EDA: variants seen among roughly 807,000 people sequenced by gnomAD.
EDA encodes the protein ectodysplasin-A.
A neutral mutation model predicts 23.6 loss-of-function variants in EDA; 2 were observed. The observed-to-expected ratio is 0.08, with a 90% CI of 0.03 to 0.27. EDA has a LOEUF of 0.27. EDA is among the 10% of genes least tolerant of loss of function. EDA has a pLI of 1.00. For synonymous variants in EDA, 131 were observed against 132.0 expected, an observed-to-expected ratio of 0.99 and a Z score of 0.05; for missense variants, 229 against 324.2, an observed-to-expected ratio of 0.71 and a Z score of 2.26.
intron 1 of EDA, among the ~76,000 whole-genome samples, chrX:69,853,674 A>G (rs919028562): frequency 8.9e-6 from 1 of 112,434 alleles, no homozygotes; most frequent in African/African-American, 3.2e-5. Context: ...AGACAACTAA[A>G]CTCAATAAAA....
At chrX:69,862,976 TCC>T (rs1287524308) in intron 1 of EDA, among the ~76,000 whole-genome samples, 221 of 105,906 alleles carry the variant, frequency 2.1e-3, no homozygotes, top group African/African-American at 7.1e-3. Flanking sequence ...GACTCTCAGA[TCC>T]CCTCACTCTA....
At chrX:69,661,516 T>C (rs1465653807) in intron 1 of EDA, among the ~76,000 whole-genome samples, 1 of 111,305 alleles carries the variant, frequency 9.0e-6, no homozygotes, top group East Asian at 2.8e-4. Flanking sequence ...TTAGAATTAA[T>C]TTTTGTATAT....
chrX:69,871,475 C>T (rs921615702), intron 1 of EDA, among the ~76,000 whole-genome samples: 1 of 111,598 alleles, frequency 9.0e-6, no homozygotes, highest in Admixed American at 9.5e-5. Context: ...TGTTCGAGGG[C>T]AGGAAGCATC....
intron 1 of EDA, among the ~76,000 whole-genome samples, chrX:69,787,642 A>G (rs1465630538): frequency 9.0e-6 from 1 of 110,977 alleles, no homozygotes; most frequent in South Asian, 3.9e-4. Flanking sequence ...TGGCTTGTAG[A>G]GTTTCTGCCG....
At chrX:69,937,469 C>A (rs1336300367) in intron 1 of EDA, 84 of 794,888 alleles carry the variant, frequency 1.1e-4, no homozygotes, top group Non-Finnish European at 1.5e-4. Flanking sequence ...ATCGAAGGAT[C>A]TCAAAGAAGT....
intron 1 of EDA, among the ~76,000 whole-genome samples, chrX:69,833,817 A>G (rs1485139731): frequency 2.7e-5 from 3 of 110,623 alleles, no homozygotes; most frequent in African/African-American, 9.9e-5. Context: ...CTTTATATAT[A>G]TATACTTTAA....
chrX:69,867,518 G>A (rs1388077208), intron 1 of EDA, among the ~76,000 whole-genome samples: 1 of 111,987 alleles, frequency 8.9e-6, no homozygotes, highest in East Asian at 2.8e-4. Flanking sequence ...GTGTATAATC[G>A]CACATCTGGC....
intron 1 of EDA, among the ~76,000 whole-genome samples, chrX:69,834,303 G>A (rs1469420802): frequency 9.0e-6 from 1 of 110,573 alleles, no homozygotes; most frequent in East Asian, 2.9e-4. Flanking sequence ...TGACAGTGGG[G>A]TGTTAAAGTC....
At chrX:69,679,231 T>G (rs1164193911) in intron 1 of EDA, among the ~76,000 whole-genome samples, 1 of 106,471 alleles carries the variant, frequency 9.4e-6, no homozygotes, top group Non-Finnish European at 1.9e-5. Context: ...TGCCAGTATT[T>G]TATTGAGGAT....
intron 1 of EDA, among the ~76,000 whole-genome samples, chrX:69,910,882 C>G (rs1468054741): frequency 8.9e-6 from 1 of 111,963 alleles, no homozygotes; most frequent in Non-Finnish European, 1.9e-5. Context: ...GCCTTAAAAT[C>G]TTGTCTGCTG....
intron 1 of EDA, among the ~76,000 whole-genome samples, chrX:69,630,548 T>C (rs766544570): frequency 1.8e-5 from 2 of 112,197 alleles, no homozygotes; most frequent in East Asian, 5.6e-4. Context: ...ATTTGTAAAA[T>C]GGGAAAGACA....
intron 1 of EDA, among the ~76,000 whole-genome samples, chrX:69,673,011 G>A (rs1204536050): frequency 1.8e-5 from 2 of 111,577 alleles, no homozygotes; most frequent in Admixed American, 1.9e-4. Context: ...TTGTTACTTT[G>A]CCCTATAACT....
intron 1 of EDA, among the ~76,000 whole-genome samples, chrX:69,797,504 C>G (rs900700913): frequency 2.2e-4 from 24 of 111,071 alleles, no homozygotes; most frequent in Non-Finnish European, 3.6e-4. Flanking sequence ...AGCAAAATTG[C>G]TGTTCATAAA....
At chrX:69,860,512 AT>A (rs1309467324) in intron 1 of EDA, among the ~76,000 whole-genome samples, 1 of 111,341 alleles carries the variant, frequency 9.0e-6, no homozygotes, top group Non-Finnish European at 1.9e-5. Context: ...ATATGAAATT[AT>A]GGGTTGGAAT....
chrX:69,914,999 G>C (rs907240999), intron 1 of EDA, among the ~76,000 whole-genome samples: 4 of 111,846 alleles, frequency 3.6e-5, no homozygotes, highest in African/African-American at 6.5e-5. Flanking sequence ...TTATATCCCA[G>C]CAACATCTTC....
chrX:69,918,499 C>G (rs753514419), intron 1 of EDA, among the ~76,000 whole-genome samples: 13 of 112,147 alleles, frequency 1.2e-4, no homozygotes, highest in African/African-American at 4.2e-4. Context: ...AACTTGAACT[C>G]TCTGCAAAGA....
intron 1 of EDA, among the ~76,000 whole-genome samples, chrX:69,875,154 A>G (rs893664443): frequency 2.7e-5 from 3 of 111,861 alleles, no homozygotes; most frequent in Non-Finnish European, 5.6e-5. Context: ...TGGAAGCAAA[A>G]AAGAGCCCAC....
At chrX:69,832,414 G>A (rs2016637040) in intron 1 of EDA, among the ~76,000 whole-genome samples, 1 of 111,963 alleles carries the variant, frequency 8.9e-6, no homozygotes, top group African/African-American at 3.2e-5. Flanking sequence ...CTTGGTACCA[G>A]TACCATGCTG....
At chrX:69,762,181 A>G (rs913082139) in intron 1 of EDA, among the ~76,000 whole-genome samples, 1 of 111,683 alleles carries the variant, frequency 9.0e-6, no homozygotes, top group Non-Finnish European at 1.9e-5. Flanking sequence ...TGCTTTACAA[A>G]GGGAAGGTTG....
Sources: gnomAD v4.1 joint callset for allele counts (sites outside exome capture counted in the v4.1 genomes callset) on GRCh38, gnomAD v4.1.1 for gene constraint, MANE v1.5 for transcripts, NCBI Gene and HGNC (gene_info 2026-07-23, HGNC 2026-07-21) for gene names.